Variants in UHRF1 observed in about 807,000 individuals in gnomAD.
UHRF1 encodes the protein E3 ubiquitin-protein ligase UHRF1.
UHRF1 carries 9 observed loss-of-function variants against 96.5 expected under a neutral mutation model. The ratio of observed to expected loss-of-function variants is 0.09; its 90% confidence interval spans 0.06 to 0.16. The LOEUF is 0.16. UHRF1 is among the 10% of genes least tolerant of loss of function. UHRF1 has a pLI of 1.00. For synonymous variants in UHRF1, 455 were observed against 469.9 expected, an observed-to-expected ratio of 0.97 and a Z score of 0.41; for missense variants, 626 against 1,131.1, an observed-to-expected ratio of 0.55 and a Z score of 6.40.
intron 9 of UHRF1, among the ~76,000 whole-genome samples, chr19:4,944,808 C>A (rs1171963867): frequency 6.6e-6 from 1 of 152,172 alleles, no homozygotes; most frequent in Non-Finnish European, 1.5e-5. Context: ...GTGCTGGGCG[C>A]TGTCAGCTGT....
Position 4,944,468 on chromosome 19 carries a change from G to T in UHRF1, c.1305+18G>T. On this transcript the variant is annotated intron_variant, in intron 9 of 16. Transcript: ENST00000650932. ...GAGTCCAGGTACCTGCAGCGTCCCGGGGCTCCAGGGGCCACGCGGGCTCAT... is the reference window on the plus strand; with the variant it reads ...GAGTCCAGGTACCTGCAGCGTCCCGTGGCTCCAGGGGCCACGCGGGCTCAT... 3 of 1,613,214 alleles carry T rather than the reference G, an allele frequency of 1.9e-6. No individual in the cohort carries two copies. The highest frequency in any genetic ancestry group is 2.5e-6 in the Non-Finnish European group (3 of 1,179,360).
chr19:4,913,829 TG>T (rs72326388), intron 2 of UHRF1, among the ~76,000 whole-genome samples: 3,872 of 68,642 alleles, frequency 0.056, 244 homozygotes, highest in African/African-American at 0.21. Context: ...TTTTTTTTTT[TG>T]GAGACAGTTT....
chr19:4,950,455 G>C (rs938329612), intron 11 of UHRF1, among the ~76,000 whole-genome samples, 156 bp from the exon 12 acceptor site: 2 of 152,054 alleles, frequency 1.3e-5, no homozygotes. Flanking sequence ...TGTTGGCCAG[G>C]CTGGTCTCGA....
intron 2 of UHRF1, among the ~76,000 whole-genome samples, chr19:4,915,633 T>G (rs1465480523): frequency 6.6e-6 from 1 of 151,904 alleles, no homozygotes; most frequent in Non-Finnish European, 1.5e-5. Context: ...CGCTTGAACC[T>G]GGGAGGTGGG....
At chr19:4,943,099 G>A (rs2033455291) in intron 7 of UHRF1, among the ~76,000 whole-genome samples, 2 of 152,010 alleles carry the variant, frequency 1.3e-5, no homozygotes, top group South Asian at 2.1e-4. Flanking sequence ...AGTTAGCCAG[G>A]CGTGGTGCCA....
chr19:4,910,601 G>A, intron 1 of UHRF1: 1 of 343,912 alleles, frequency 2.9e-6, no homozygotes, highest in East Asian at 4.3e-5. Context: ...GGGGAAGGAG[G>A]GATGGGTTGG....
chr19:4,939,580 A>G (rs1447838808), intron 5 of UHRF1, among the ~76,000 whole-genome samples: 3 of 152,094 alleles, frequency 2.0e-5, no homozygotes, highest in Non-Finnish European at 4.4e-5. Flanking sequence ...TCCAGACTGT[A>G]GAGATGACCA....
chr19:4,953,029 T>C (rs1008983292), intron 13 of UHRF1, among the ~76,000 whole-genome samples: 1 of 152,046 alleles, frequency 6.6e-6, no homozygotes, highest in Non-Finnish European at 1.5e-5. Flanking sequence ...CTCATGGAAA[T>C]CGTAAAGACA....
chr19:4,943,593 C>T (rs184495315), intron 7 of UHRF1, among the ~76,000 whole-genome samples: 235 of 150,704 alleles, frequency 1.6e-3, no homozygotes, highest in Non-Finnish European at 2.9e-3. Flanking sequence ...TCCCACATTG[C>T]GTTCACTCTC....
At chr19:4,952,392 C>CGT (rs1568182324) in intron 13 of UHRF1, among the ~76,000 whole-genome samples, 1 of 85,798 alleles carries the variant, frequency 1.2e-5, no homozygotes. Flanking sequence ...CCGCTCCCAG[C>CGT]CTTTTTTTTT....
chr19:4,943,589 A>G (rs1414936908), intron 7 of UHRF1, among the ~76,000 whole-genome samples: 2 of 149,642 alleles, frequency 1.3e-5, no homozygotes, highest in South Asian at 2.2e-4. Context: ...CACATCCCAC[A>G]TTGCGTTCAC....
upstream of UHRF1, among the ~76,000 whole-genome samples, chr19:4,907,641 G>A (rs900463892): frequency 6.7e-6 from 1 of 150,326 alleles, no homozygotes; most frequent in Non-Finnish European, 1.5e-5. Flanking sequence ...GCGGGTTCTA[G>A]GAGTCTTTCT....
At chr19:4,941,665 T>A (rs775059604) in intron 6 of UHRF1, 37 bp downstream of exon 6, 18 of 1,592,450 alleles carry the variant, frequency 1.1e-5, no homozygotes, top group Admixed American at 1.8e-5. Flanking sequence ...TCTTCCGCGG[T>A]GGGCACGGGG....
intron 2 of UHRF1, among the ~76,000 whole-genome samples, chr19:4,911,528 G>C (rs561305753): frequency 6.6e-6 from 1 of 152,238 alleles, no homozygotes; most frequent in East Asian, 1.9e-4. Flanking sequence ...TCAGAGTCTG[G>C]AGATGGCGCT....
rs2033413242 is a variant in UHRF1 at position 4,941,838 on chromosome 19, C to G, written c.980C>G (p.Pro327Arg). The G allele has an allele frequency of 6.3e-7, 1 of 1,575,494 alleles. No homozygotes were observed. The highest frequency in any genetic ancestry group is 1.4e-5 in the African/African-American group (1 of 73,774). Residue 327 changes from proline (P) to arginine (R), a missense_variant, in exon 7 of 17, where the codon CCC (proline) becomes CGC (arginine). Around this residue, in one of 11 missense-constraint regions of UHRF1, gnomAD observed 69 missense variants for 159.8 expected, o/e 0.43. Coordinates refer to ENST00000650932, the MANE Select transcript of UHRF1 (RefSeq NM_001048201.3). ...CACCTGTGCGGGGGCCGGCAGGACC[C>G]CGACAAGCAGCTCATGTGCGATGAG... ...ACHLCGGRQD[P>R]DKQLMCDECD...
intron 2 of UHRF1, among the ~76,000 whole-genome samples, chr19:4,921,987 G>A (rs940732018): frequency 8.5e-5 from 13 of 152,278 alleles, no homozygotes; most frequent in African/African-American, 2.6e-4. Context: ...AGACAGTCTC[G>A]CTCTGTCGCC....
At chr19:4,947,050 C>CTTTTTTT (rs374695577) in intron 10 of UHRF1, 55 bp from the exon 11 acceptor site, 4 of 1,154,824 alleles carry the variant, frequency 3.5e-6, no homozygotes, top group Non-Finnish European at 1.2e-6. Context: ...AATGCAGTCT[C>CTTTTTTT]TTTTTTTTTT....
intron 2 of UHRF1, among the ~76,000 whole-genome samples, chr19:4,918,477 G>T (rs1203764351): frequency 1.3e-5 from 2 of 151,250 alleles, no homozygotes; most frequent in African/African-American, 4.9e-5. Context: ...GAGTGCGTTG[G>T]CTTGATGTCA....
In UHRF1 at chr19:4,947,125, A is replaced by C. The variant is rs772087311; in HGVS notation, c.1431A>C (p.Thr477=). 2 of 1,613,172 alleles carry C rather than the reference A, an allele frequency of 1.2e-6. No individual in the cohort carries two copies. Among genetic ancestry groups the C allele is most frequent in the Non-Finnish European group, 1.7e-6 (2 of 1,179,724 alleles). The change falls in exon 11 of 17, where the codon ACA becomes ACC. Residue 477 remains threonine (T), a synonymous_variant. Coordinates refer to ENST00000650932, the MANE Select transcript of UHRF1 (RefSeq NM_001048201.3). ...TTCAGGACCATGGGAATTTTTTCAC[A>C]TACACGGGTAGTGGTGGTCGAGATC... The part of the protein sequence containing the change: ...EDDVDHGNFF[T]YTGSGGRDLS...
Sources: gnomAD v4.1 joint callset for allele counts (sites outside exome capture counted in the v4.1 genomes callset) on GRCh38, gnomAD v4.1.1 for gene constraint, gnomAD v4.1.1 regional missense constraint, MANE v1.5 for transcripts, NCBI Gene and HGNC (gene_info 2026-07-23, HGNC 2026-07-21) for gene names.